The following ABL2 variants were observed in gnomAD, a reference collection of about 807,000 sequenced individuals.
ABL2 encodes the protein ABL proto-oncogene 2, non-receptor tyrosine kinase, also known as tyrosine-protein kinase ABL2.
Under a neutral mutation model 107.7 loss-of-function variants are expected in ABL2, and 49 were observed. The ratio of observed to expected loss-of-function variants is 0.45; its 90% confidence interval spans 0.36 to 0.58. The LOEUF (loss-of-function observed/expected upper bound fraction) is 0.58. Ranked by LOEUF, ABL2 falls within the 20% of genes least tolerant of loss-of-function variation. The probability of loss-of-function intolerance (pLI) is 0.00; values close to 1 mark genes in which losing one functional copy is unlikely to be tolerated. For synonymous variants in ABL2, 549 were observed against 548.6 expected (o/e 1.00, Z -0.01); for missense variants, 1,245 against 1,457.0 (o/e 0.85, Z 2.37).
chr1:179,115,498 A>G (rs1654532485), intron 8 of ABL2, among the ~76,000 whole-genome samples: 1 of 152,226 alleles, frequency 6.6e-6, no homozygotes, highest in Non-Finnish European at 1.5e-5. Flanking sequence ...CTTGAGTTGC[A>G]TGATGAACTC....
rs148985886 is a variant in ABL2, at chr1:179,110,285, G to A, written c.1822C>T (p.Pro608Ser). The A allele has an allele frequency of 1.6e-3, 2,563 of 1,614,192 alleles. 11 individuals are homozygous for A. Among genetic ancestry groups the A allele is most frequent in the Non-Finnish European group, 1.3e-3 (1,525 of 1,180,024 alleles). The change falls in exon 11 of 12, where the codon CCA becomes TCA. Residue 608 changes from proline (P) to serine (S), a missense_variant. Physicochemically the swap from Pro to Ser is moderately conservative, Grantham distance 74. Around this residue, in one of 3 missense-constraint regions of ABL2, gnomAD observed 761 missense variants for 766.4 expected, o/e 0.99. Transcript: ENST00000502732. ...ATENSASSLA[P>S]GFIRGAQASS... ...CTACCTGCTAAGGGACCCATACCTGGTGCTAAACTGGAAGCAGAATTTTCT... is the reference window on the plus strand; with the variant it reads ...CTACCTGCTAAGGGACCCATACCTGATGCTAAACTGGAAGCAGAATTTTCT...
At chr1:179,122,276 TA>T (rs34338293) in intron 4 of ABL2, among the ~76,000 whole-genome samples, 48,095 of 126,652 alleles carry the variant, frequency 0.38, 8,950 homozygotes, top group African/African-American at 0.48. Flanking sequence ...AGGCTATCTT[TA>T]AAAAAAAAAA....
In ABL2 at chr1:179,103,849, C is replaced by A. The variant is rs151121632; in HGVS notation, c.*3869G>T. The stretch of plus-strand genomic sequence containing the variant: ...TTGGCTCCGCCACTAATTAACCGTT[C>A]TGAGACAATAGGCAAGTAATTTAAC... On this transcript the variant is annotated 3_prime_UTR_variant, in exon 12 of 12. Transcript: ENST00000502732. 5.8e-4 allele frequency: 135 copies of A among 230,950 alleles called. No individual in the cohort carries two copies. The highest frequency in any genetic ancestry group is 2.9e-3 in the African/African-American group (131 of 45,322). 14.3% of individuals were successfully genotyped at this position (230,950 alleles called of 1,614,324 possible). A position where few individuals can be genotyped will look rare whatever the true frequency, so the allele number is the denominator to read the frequency against.
chr1:179,202,809 T>C (rs6692575), intron 1 of ABL2, among the ~76,000 whole-genome samples: 2,884 of 152,288 alleles, frequency 0.019, 100 homozygotes, highest in African/African-American at 0.065. Flanking sequence ...ACAAAAGTAC[T>C]GGATGTTAAA....
intron 1 of ABL2, among the ~76,000 whole-genome samples, chr1:179,223,860 G>A: frequency 6.6e-6 from 1 of 150,854 alleles, no homozygotes; most frequent in Non-Finnish European, 1.5e-5. Context: ...GGGTGCGGTG[G>A]CTCACACCTG....
At chr1:179,138,103 C>T (rs1011148163) in intron 1 of ABL2, among the ~76,000 whole-genome samples, 2 of 152,210 alleles carry the variant, frequency 1.3e-5, no homozygotes, top group African/African-American at 4.8e-5. Context: ...GTGTTTTAAG[C>T]ACACAGCATT....
intron 1 of ABL2, among the ~76,000 whole-genome samples, chr1:179,224,518 G>A (rs1351469960): frequency 2.0e-5 from 3 of 151,796 alleles, no homozygotes; most frequent in African/African-American, 7.3e-5. Context: ...ATCTGCCCAC[G>A]TCGGCCTCCC....
intron 1 of ABL2, among the ~76,000 whole-genome samples, chr1:179,186,558 T>G (rs1427886698): frequency 6.6e-6 from 1 of 151,898 alleles, no homozygotes; most frequent in Non-Finnish European, 1.5e-5. Context: ...TTTTTGTATT[T>G]TTAGTAGAGA....
intron 1 of ABL2, among the ~76,000 whole-genome samples, chr1:179,194,182 C>A (rs1286668539): frequency 6.6e-6 from 1 of 152,164 alleles, no homozygotes. Flanking sequence ...CAGTGAAGGT[C>A]CTACAAGGTA....
chr1:179,197,971 C>G (rs558075938), intron 1 of ABL2, among the ~76,000 whole-genome samples: 2 of 151,442 alleles, frequency 1.3e-5, no homozygotes, highest in East Asian at 3.9e-4. Flanking sequence ...TCCAGGAATT[C>G]AAGAGAAGCC....
At chr1:179,163,190 T>C (rs914845639) in intron 1 of ABL2, among the ~76,000 whole-genome samples, 2 of 152,196 alleles carry the variant, frequency 1.3e-5, no homozygotes, top group African/African-American at 4.8e-5. Flanking sequence ...GACACCACTA[T>C]ATGCCTATTG....
chr1:179,157,382 A>G (rs1369326044), intron 1 of ABL2, among the ~76,000 whole-genome samples: 1 of 151,968 alleles, frequency 6.6e-6, no homozygotes, highest in Non-Finnish European at 1.5e-5. Context: ...CTATAATCTC[A>G]GCTACTCGGT....
chr1:179,201,043 T>C (rs1661639408), intron 1 of ABL2, among the ~76,000 whole-genome samples: 1 of 152,184 alleles, frequency 6.6e-6, no homozygotes, highest in Non-Finnish European at 1.5e-5. Context: ...AACCACATTG[T>C]TTATACAAAC....
In ABL2 at chr1:179,229,435, T is replaced by G; in HGVS notation, c.-38A>C. 7 of 1,465,318 alleles carry G rather than the reference T, an allele frequency of 4.8e-6. No individual in the cohort carries two copies. Among genetic ancestry groups the G allele is most frequent in the Non-Finnish European group, 6.2e-6 (7 of 1,120,200 alleles). The allele number at this position is 1,465,318 out of a possible 1,614,324, so 90.8% of individuals were successfully genotyped here. The stretch of plus-strand genomic sequence containing the variant: ...GTACTCCCGCGCCCCCGCCGACCCC[T>G]GGTCACATTCCTCCTCGGCTCCGGC... On this transcript the variant is annotated 5_prime_UTR_variant, in exon 1 of 12. Transcript: ENST00000502732.
intron 1 of ABL2, among the ~76,000 whole-genome samples, chr1:179,206,638 A>G (rs1014947802): frequency 1.3e-5 from 2 of 152,174 alleles, no homozygotes; most frequent in Middle Eastern, 3.2e-3. Flanking sequence ...CATGCATAAT[A>G]TATCTCTGAA....
intron 1 of ABL2, among the ~76,000 whole-genome samples, chr1:179,225,616 G>A (rs1326139966): frequency 6.6e-6 from 1 of 152,126 alleles, no homozygotes; most frequent in Non-Finnish European, 1.5e-5. Context: ...ACAAGTAAGG[G>A]GCAAAAAGAA....
rs1312448668 is a variant in ABL2 at position 179,108,733 on chromosome 1, C to G, written c.2534G>C (p.Arg845Thr). 6.2e-7 allele frequency: 1 copy of G among 1,614,222 alleles called. No homozygotes were observed. Among genetic ancestry groups the G allele is most frequent in the South Asian group, 1.1e-5 (1 of 91,084 alleles). Reference protein sequence around the residue: ...KKSEESAAPSRERPKAKLLPR... With the variant: ...KKSEESAAPSTERPKAKLLPR... ...CAATAACTTGGCTTTTGGTCTCTCC[C>G]TGCTTGGAGCAGCACTTTCCTCTGA... The change falls in exon 12 of 12, where the codon AGG becomes ACG. Residue 845 changes from arginine (R) to threonine (T), a missense_variant. Arg to Thr is a moderately conservative substitution (Grantham distance 71, BLOSUM62 -1). Around this residue, in one of 3 missense-constraint regions of ABL2, gnomAD observed 761 missense variants for 766.4 expected, o/e 0.99. Transcript: ENST00000502732.
chr1:179,193,189 AT>A (rs1444900796), intron 1 of ABL2, among the ~76,000 whole-genome samples: 18 of 152,208 alleles, frequency 1.2e-4, no homozygotes, highest in African/African-American at 4.1e-4. Flanking sequence ...AAGAAAAAAA[AT>A]ATAATAATCT....
intron 10 of ABL2, 42 bp from the exon 11 acceptor site, chr1:179,110,497 T>C (rs773794036): frequency 3.2e-6 from 5 of 1,568,558 alleles, no homozygotes; most frequent in African/African-American, 2.8e-5. Flanking sequence ...AACAATTTCA[T>C]AGCAGAAAAA....
Sources: allele counts gnomAD v4.1 joint callset (sites outside exome capture counted in the v4.1 genomes callset), GRCh38; gene constraint gnomAD v4.1.1; regional missense constraint gnomAD v4.1.1; transcripts MANE v1.5; gene names NCBI Gene and HGNC (gene_info 2026-07-23, HGNC 2026-07-21).